The following TIAM2 variants were observed in gnomAD, a reference collection of about 807,000 sequenced individuals.
TIAM2 encodes TIAM Rac1 associated GEF 2, also known as rho guanine nucleotide exchange factor TIAM2.
A neutral mutation model predicts 152.9 loss-of-function variants in TIAM2; 80 were observed. That is an observed-to-expected ratio of 0.52 (90% confidence interval 0.44 to 0.63). The LOEUF is 0.63. Ranked by LOEUF, TIAM2 falls within the 30% of genes least tolerant of loss-of-function variation. TIAM2 has a pLI of 0.00. For synonymous variants in TIAM2, 804 were observed against 838.0 expected, an observed-to-expected ratio of 0.96 and a Z score of 0.70; for missense variants, 1,965 against 2,120.1, an observed-to-expected ratio of 0.93 and a Z score of 1.44.
At chr6:155,154,426 C>T (rs544717579) in intron 7 of TIAM2, among the ~76,000 whole-genome samples, 6 of 152,114 alleles carry the variant, frequency 3.9e-5, no homozygotes, top group Non-Finnish European at 7.3e-5. Context: ...ATGCTCTGGC[C>T]GTGTCCTGGG....
intron 7 of TIAM2, among the ~76,000 whole-genome samples, chr6:155,162,238 A>G (rs1033580152): frequency 6.6e-6 from 1 of 152,200 alleles, no homozygotes; most frequent in Non-Finnish European, 1.5e-5. Context: ...GATTACAGGC[A>G]TGAGCCACTG....
chr6:155,024,378 G>A (rs35772389), intron 1 of TIAM2, among the ~76,000 whole-genome samples: 77,909 of 151,846 alleles, frequency 0.51, 20,253 homozygotes, highest in East Asian at 0.58. Context: ...AAAATTCAGA[G>A]GATTTTCAGA....
intron 10 of TIAM2, 55 bp from the exon 11 acceptor site, chr6:155,178,984 A>G (rs1562343938): frequency 2.2e-6 from 3 of 1,348,576 alleles, no homozygotes; most frequent in Admixed American, 1.9e-5. Flanking sequence ...CTGCTAACCA[A>G]TGATGGATTT....
chr6:155,116,007 G>A (rs1378111367), intron 2 of TIAM2, among the ~76,000 whole-genome samples: 1 of 152,180 alleles, frequency 6.6e-6, no homozygotes, highest in African/African-American at 2.4e-5. Flanking sequence ...AGAGGCTAAG[G>A]CCTGAGACTT....
chr6:155,099,005 C>T (rs539463411), intron 2 of TIAM2, among the ~76,000 whole-genome samples: 5 of 152,150 alleles, frequency 3.3e-5, no homozygotes, highest in South Asian at 4.1e-4. Flanking sequence ...CTGACCAACA[C>T]GGAGAAACTC....
intron 5 of TIAM2, among the ~76,000 whole-genome samples, chr6:155,141,036 T>C (rs913738653): frequency 5.9e-5 from 9 of 152,200 alleles, no homozygotes; most frequent in Admixed American, 2.6e-4. Context: ...AACTTCTGGC[T>C]ACCAACTTCA....
intron 1 of TIAM2, among the ~76,000 whole-genome samples, chr6:155,044,916 C>T (rs1027752524): frequency 6.6e-6 from 1 of 151,964 alleles, no homozygotes; most frequent in African/African-American, 2.4e-5. Flanking sequence ...TCAGTGTTAT[C>T]TTTCAGATCA....
chr6:155,004,706 C>T (rs1397968015), intron 1 of TIAM2: 4 of 152,206 alleles, frequency 2.6e-5, no homozygotes, highest in African/African-American at 9.7e-5. Flanking sequence ...TTAATACCAT[C>T]TTTTTTTCCA....
At chr6:155,002,914 G>A (rs892830193) in intron 1 of TIAM2, among the ~76,000 whole-genome samples, 1 of 151,786 alleles carries the variant, frequency 6.6e-6, no homozygotes, top group Non-Finnish European at 1.5e-5. Context: ...GGCTAGTCTC[G>A]AACTCTTGAC....
intron 1 of TIAM2, among the ~76,000 whole-genome samples, chr6:155,078,996 C>CT (rs929681802): frequency 1.4e-4 from 20 of 147,736 alleles, no homozygotes; most frequent in East Asian, 3.9e-4. Flanking sequence ...TGGTGTTTTT[C>CT]TTTTTTTTTT....
At position 155,179,049 on chromosome 6, in the gene TIAM2, T is replaced by C. The variant is rs770407284; in HGVS notation, c.2534T>C (p.Leu845Ser). 1.7e-5 allele frequency: 27 copies of C among 1,613,614 alleles called. No homozygotes were observed. The highest frequency in any genetic ancestry group is 3.4e-6 in the Non-Finnish European group (4 of 1,179,742). The change falls in exon 11 of 27, where the codon TTG (leucine) becomes TCG (serine). Residue 845 changes from leucine to serine, a missense_variant. Physicochemically the swap from Leu to Ser is moderately radical, Grantham distance 145. Transcript: ENST00000682666. ...ILTLACKMRQLEPSHYGLQLR... is the reference protein window; with the variant it reads ...ILTLACKMRQSEPSHYGLQLR... ...TCTTTTTCTTTATAGATGAGGCAGT[T>C]GGAACCCAGCCATTATGGCCTACAG...
chr6:155,138,317 A>G (rs994047463), intron 5 of TIAM2, among the ~76,000 whole-genome samples: 14 of 152,230 alleles, frequency 9.2e-5, no homozygotes, highest in Non-Finnish European at 2.1e-4. Context: ...TCAGAACTCC[A>G]AAGAGGTTTT....
intron 2 of TIAM2, among the ~76,000 whole-genome samples, chr6:155,125,938 A>C (rs1385756452): frequency 6.6e-6 from 1 of 152,206 alleles, no homozygotes; most frequent in African/African-American, 2.4e-5. Flanking sequence ...ATAAAAATAG[A>C]ATAACCTAAT....
intron 1 of TIAM2, among the ~76,000 whole-genome samples, chr6:155,021,715 T>G (rs1374584413): frequency 6.6e-6 from 1 of 152,214 alleles, no homozygotes; most frequent in Non-Finnish European, 1.5e-5. Flanking sequence ...GTTGCCTCAT[T>G]TAAACAGATA....
Position 155,214,216 on chromosome 6 carries a change from G to A in TIAM2, c.3168+2909G>A, listed in dbSNP as rs1348337005. On this transcript the variant is annotated intron_variant, in intron 15 of 26. Coordinates refer to ENST00000682666, the MANE Select transcript of TIAM2 (RefSeq NM_012454.4). This position sits in a 1 kb window ranked among gnomAD's most constrained non-coding sequence, Gnocchi z 5.4. ...CTGCTGGCTCCATGGAACGCACAGC[G>A]CTGGCCGTGCCTCCCCCGGTGCAGC... Among the ~76,000 whole-genome samples, 2 of 152,230 alleles carry A rather than the reference G, an allele frequency of 1.3e-5. No homozygotes were observed. The highest frequency in any genetic ancestry group is 2.9e-5 in the Non-Finnish European group (2 of 68,048).
intron 16 of TIAM2, among the ~76,000 whole-genome samples, chr6:155,242,446 T>C (rs1010178654): frequency 1.2e-4 from 18 of 152,242 alleles, no homozygotes; most frequent in Admixed American, 2.6e-4. Context: ...CTCCCTTCTC[T>C]GAGCGGTCTG....
chr6:155,202,115 G>A (rs1045263515), intron 14 of TIAM2, among the ~76,000 whole-genome samples: 1 of 152,166 alleles, frequency 6.6e-6, no homozygotes, highest in African/African-American at 2.4e-5. Context: ...AATAATAAAT[G>A]GTGATCTCTT....
intron 19 of TIAM2, among the ~76,000 whole-genome samples, 153 bp from the exon 20 acceptor site, chr6:155,247,847 G>A (rs1186803997): frequency 1.3e-5 from 2 of 152,176 alleles, no homozygotes; most frequent in Non-Finnish European, 2.9e-5. Context: ...GCTGACAGCT[G>A]GGTGCCTGAC....
chr6:155,022,476 T>G (rs1776518339), intron 1 of TIAM2: 2 of 152,214 alleles, frequency 1.3e-5, no homozygotes, highest in African/African-American at 4.8e-5. Flanking sequence ...ATTTTTTGTA[T>G]TTTTAGTAGA....
Sources: gnomAD v4.1 joint callset for allele counts (sites outside exome capture counted in the v4.1 genomes callset) on GRCh38, gnomAD v4.1.1 for gene constraint, Gnocchi (gnomAD v3.1) non-coding constraint, MANE v1.5 for transcripts, NCBI Gene and HGNC (gene_info 2026-07-23, HGNC 2026-07-21) for gene names.